The following MEGF9 variants were observed in gnomAD, a reference collection of about 807,000 sequenced individuals.
MEGF9 encodes multiple epidermal growth factor-like domains protein 9.
A neutral mutation model predicts 46.8 loss-of-function variants in MEGF9; 6 were observed. The observed-to-expected ratio is 0.13, with a 90% CI of 0.07 to 0.25. MEGF9 has a LOEUF of 0.25. Ranked by LOEUF, MEGF9 falls within the 10% of genes least tolerant of loss-of-function variation. MEGF9 has a pLI of 1.00. For missense variants in MEGF9, 683 were observed against 792.4 expected, an observed-to-expected ratio of 0.86 and a Z score of 1.66; for synonymous variants, 302 against 330.7, an observed-to-expected ratio of 0.91 and a Z score of 0.94.
intron 1 of MEGF9, among the ~76,000 whole-genome samples, chr9:120,701,095 G>A (rs1250252795): frequency 1.3e-5 from 2 of 150,814 alleles, no homozygotes; most frequent in Non-Finnish European, 3.0e-5. Context: ...CTCCAGGCTG[G>A]GTGACAGAGT....
intron 1 of MEGF9, among the ~76,000 whole-genome samples, chr9:120,682,391 T>C (rs1472836063): frequency 1.3e-5 from 2 of 152,208 alleles, no homozygotes; most frequent in South Asian, 2.1e-4. Flanking sequence ...TATTTGCTCA[T>C]TGTAATGCCT....
chr9:120,678,435 C>A (rs1285700641), intron 1 of MEGF9, among the ~76,000 whole-genome samples: 1 of 152,156 alleles, frequency 6.6e-6, no homozygotes, highest in Non-Finnish European at 1.5e-5. Context: ...TTCTCCACAT[C>A]CTCACCAGCA....
rs2043515922 is a variant in MEGF9 at position 120,624,610 on chromosome 9, T to C, written c.804-1855A>G. ...AGGCCGGGCGTGGTGGCTCACACCTTTATCCCAGCACTTTGGGAGGCTGAG... is the reference window on the plus strand; with the variant it reads ...AGGCCGGGCGTGGTGGCTCACACCTCTATCCCAGCACTTTGGGAGGCTGAG... On this transcript the variant is annotated intron_variant, in intron 2 of 5. Coordinates refer to ENST00000373930, the MANE Select transcript of MEGF9 (RefSeq NM_001080497.3). Among the ~76,000 whole-genome samples the C allele has an allele frequency of 2.6e-5, 4 of 152,254 alleles. No individual in the cohort carries two copies. The South Asian group carries it at 8.3e-4, about 32-fold the overall frequency.
chr9:120,613,472 T>TCA (rs1162049072), intron 3 of MEGF9, among the ~76,000 whole-genome samples: 1 of 152,024 alleles, frequency 6.6e-6, no homozygotes, highest in African/African-American at 2.4e-5. Flanking sequence ...TGTCAAAATG[T>TCA]TAATCTTTAT....
At chr9:120,640,795 A>G (rs920652589) in intron 2 of MEGF9, among the ~76,000 whole-genome samples, 3 of 152,068 alleles carry the variant, frequency 2.0e-5, no homozygotes, top group African/African-American at 7.2e-5. Context: ...GGTCTGGTGT[A>G]TGAATGATCC....
In MEGF9 at chr9:120,607,939, C is replaced by T. The variant is rs1564410947; in HGVS notation, c.1159G>A (p.Glu387Lys). Residue 387 changes from glutamate to lysine, a missense_variant, in exon 5 of 6, where the codon GAA becomes AAA. By Grantham distance (56) the Glu-to-Lys change is moderately conservative. Transcript: ENST00000373930. ...CTGTCAAAATTGTAATAGCCATTTTCACATTTATTGCAGTTCGGGCCTATG... is the reference window on the plus strand; with the variant it reads ...CTGTCAAAATTGTAATAGCCATTTTTACATTTATTGCAGTTCGGGCCTATG... ...GYIGPNCNKC[E>K]NGYYNFDSIC... The T allele has an allele frequency of 6.2e-7, 1 of 1,613,988 alleles. No individual in the cohort carries two copies. The highest frequency in any genetic ancestry group is 8.5e-7 in the Non-Finnish European group (1 of 1,179,868).
chr9:120,683,430 C>T (rs577952667), intron 1 of MEGF9, among the ~76,000 whole-genome samples: 2 of 152,292 alleles, frequency 1.3e-5, no homozygotes, highest in African/African-American at 4.8e-5. Context: ...ATCACAGGGG[C>T]AGTTTCCCTC....
At chr9:120,700,782 C>T (rs1456692311) in intron 1 of MEGF9, among the ~76,000 whole-genome samples, 7 of 152,056 alleles carry the variant, frequency 4.6e-5, no homozygotes, top group Admixed American at 4.6e-4. Flanking sequence ...GAAATTTCAT[C>T]TTTAAAGACC....
In MEGF9 at chr9:120,659,440, T is replaced by C. The variant is rs2043691928; in HGVS notation, c.737A>G (p.Tyr246Cys). 3.7e-6 allele frequency: 6 copies of C among 1,613,756 alleles called. No individual in the cohort carries two copies. Among genetic ancestry groups the C allele is most frequent in the South Asian group, 3.3e-5 (3 of 91,052 alleles). Residue 246 changes from tyrosine (Y) to cysteine (C), a missense_variant, in exon 2 of 6, where the codon TAC becomes TGC. Tyr to Cys is a radical substitution (Grantham distance 194). Transcript: ENST00000373930. ...ACATGGCTGACAGAGCCCAGAAGTG[T>C]AATTTAGGTAAAAGCCCTCTTTGCA... ...ETCKEGFYLN[Y>C]TSGLCQPCDC... is the part of the protein sequence containing the mutation.
chr9:120,680,004 T>G (rs975985116), intron 1 of MEGF9, among the ~76,000 whole-genome samples: 1 of 152,136 alleles, frequency 6.6e-6, no homozygotes, highest in Non-Finnish European at 1.5e-5. Context: ...CTTCCAACTC[T>G]AGAATTTCTG....
intron 2 of MEGF9, among the ~76,000 whole-genome samples, chr9:120,644,427 G>T (rs138654928): frequency 5.9e-5 from 9 of 152,280 alleles, no homozygotes; most frequent in African/African-American, 2.2e-4. Flanking sequence ...ATGTTACCTT[G>T]ATCACACAGA....
intron 1 of MEGF9, among the ~76,000 whole-genome samples, chr9:120,710,385 T>C (rs951061235): frequency 6.4e-5 from 9 of 140,580 alleles, no homozygotes; most frequent in African/African-American, 2.1e-4. Context: ...GATAGCACCA[T>C]TGCACTCCAG....
In MEGF9 at chr9:120,605,180, T is replaced by C. The variant is rs1165823645; in HGVS notation, c.*10A>G. 6.2e-7 allele frequency: 1 copy of C among 1,606,242 alleles called. No individual in the cohort carries two copies. The highest frequency in any genetic ancestry group is 1.3e-5 in the African/African-American group (1 of 74,808). On this transcript the variant is annotated 3_prime_UTR_variant, in exon 6 of 6. Transcript: ENST00000373930. This position sits in a 1 kb window ranked among gnomAD's most constrained non-coding sequence, Gnocchi z 4.0. ...ACTGTGGTTTAACAATTCAGAACAG[T>C]TCTAGCTCCTTAGGCTTTGTAGTTA...
chr9:120,670,883 A>C (rs1248637227), intron 1 of MEGF9, among the ~76,000 whole-genome samples: 1 of 152,162 alleles, frequency 6.6e-6, no homozygotes, highest in Non-Finnish European at 1.5e-5. Context: ...TGGGTCTCTC[A>C]CAATTCTCTG....
chr9:120,659,946 A>C (rs1301423699), intron 1 of MEGF9, among the ~76,000 whole-genome samples: 4 of 151,196 alleles, frequency 2.6e-5, no homozygotes, highest in African/African-American at 9.7e-5. Flanking sequence ...CAAAAGCCTA[A>C]GGCTCAGATG....
chr9:120,604,867 G>T lies in MEGF9; in HGVS notation c.*323C>A. On this transcript the variant is annotated 3_prime_UTR_variant, in exon 6 of 6. Transcript: ENST00000373930. ...TCATCATCTTGTTACCACTGGCTTG[G>T]TGAATGCTTCCCCAGGAGTCTATCT... 3.7e-6 allele frequency: 1 copy of T among 273,606 alleles called. No individual in the cohort carries two copies. The highest frequency in any genetic ancestry group is 7.0e-5 in the East Asian group (1 of 14,380). The allele number at this position is 273,606 out of a possible 1,614,324, so 16.9% of individuals were successfully genotyped here. A position where few individuals can be genotyped will look rare whatever the true frequency, so the allele number is the denominator to read the frequency against.
rs1554795252 is a variant in MEGF9, at chr9:120,628,465, G to GTTT, written c.804-5711_804-5710insAAA. ...CCATATTCAGACAGAAATTCTTGTC[G>GTTT]TTGTTTTTTTTTTTTTTTTTTTTTT... On this transcript the variant is annotated intron_variant, in intron 2 of 5. Transcript: ENST00000373930. Among the ~76,000 whole-genome samples, 10 of 52,782 alleles carry GTTT rather than the reference G, an allele frequency of 1.9e-4. 1 individual carries two copies. Among genetic ancestry groups the GTTT allele is most frequent in the Admixed American group, 2.7e-4 (1 of 3,724 alleles). 34.6% of individuals were successfully genotyped at this position (52,782 alleles called of 152,430 possible).
rs2043414688 is a variant in MEGF9 at position 120,605,155 on chromosome 9, A to G, written c.*35T>C. On this transcript the variant is annotated 3_prime_UTR_variant, in exon 6 of 6. Coordinates refer to ENST00000373930, the MANE Select transcript of MEGF9 (RefSeq NM_001080497.3). This position sits in a 1 kb window ranked among gnomAD's most constrained non-coding sequence, Gnocchi z 4.0. ...AGGGGCTGACTCTGTCTTAGCAAGC[A>G]CTGTGGTTTAACAATTCAGAACAGT... 6.4e-7 allele frequency: 1 copy of G among 1,569,820 alleles called. No individual in the cohort carries two copies. The highest frequency in any genetic ancestry group is 8.6e-7 in the Non-Finnish European group (1 of 1,156,696).
intron 2 of MEGF9, among the ~76,000 whole-genome samples, chr9:120,634,934 TA>T (rs1338987728): frequency 1.3e-5 from 2 of 152,200 alleles, no homozygotes; most frequent in African/African-American, 4.8e-5. Context: ...TGTTTTTTCA[TA>T]ATAGTGATTA....
Sources: gnomAD v4.1 joint callset for allele counts (sites outside exome capture counted in the v4.1 genomes callset) on GRCh38, gnomAD v4.1.1 for gene constraint, Gnocchi (gnomAD v3.1) non-coding constraint, MANE v1.5 for transcripts, NCBI Gene and HGNC (gene_info 2026-07-23, HGNC 2026-07-21) for gene names.